RAD51B: variants seen among roughly 807,000 people sequenced by gnomAD.
The protein encoded by RAD51B is DNA repair protein RAD51 homolog 2.
In RAD51B, 38 loss-of-function variants were observed where a neutral mutation model predicts 42.2. The ratio of observed to expected loss-of-function variants is 0.90; its 90% confidence interval spans 0.70 to 1.18. RAD51B has a LOEUF of 1.18. Among genes scored for constraint, RAD51B ranks in the 50% most tolerant of loss-of-function variants. RAD51B has a pLI of 0.00. For missense variants in RAD51B, 373 were observed against 400.7 expected (o/e 0.93, Z 0.59); for synonymous variants, 154 against 145.2 (o/e 1.06, Z -0.43).
intron 8 of RAD51B, among the ~76,000 whole-genome samples, chr14:68,345,995 TG>T (rs2082669829): frequency 6.6e-6 from 1 of 152,232 alleles, no homozygotes; most frequent in Non-Finnish European, 1.5e-5. Context: ...CTAACACAAA[TG>T]GGTTCAGAAT....
intron 7 of RAD51B, among the ~76,000 whole-genome samples, chr14:68,288,431 G>A (rs1191893042): frequency 6.6e-6 from 1 of 152,194 alleles, no homozygotes; most frequent in East Asian, 1.9e-4. Context: ...TAAGTTAGGA[G>A]CTTGTTCTTT....
At chr14:68,568,328 AG>A (rs1468696843) in intron 10 of RAD51B, among the ~76,000 whole-genome samples, 5 of 152,326 alleles carry the variant, frequency 3.3e-5, no homozygotes, top group African/African-American at 1.2e-4. Context: ...TCCAGCAAAA[AG>A]GGACATCATT....
chr14:68,274,702 C>T (rs1448808630), intron 7 of RAD51B, among the ~76,000 whole-genome samples: 3 of 152,040 alleles, frequency 2.0e-5, no homozygotes, highest in Non-Finnish European at 4.4e-5. Flanking sequence ...TAATTACTTC[C>T]TTACTCTCCT....
Position 68,300,501 on chromosome 14 carries a change from C to T in RAD51B, c.853+8521C>T, listed in dbSNP as rs548179493. Among the ~76,000 whole-genome samples the T allele has an allele frequency of 1.9e-4, 29 of 152,322 alleles. No individual in the cohort carries two copies. The East Asian group carries it at 1.9e-3, about 10-fold the overall frequency. On this transcript the variant is annotated intron_variant, in intron 8 of 10. Coordinates refer to ENST00000471583, the MANE Select transcript of RAD51B (RefSeq NM_133510.4). ...CTGGGATTACAGGTGTAAGCCACCA[C>T]GCCCAGCGCTCTCCTTTCAAATAAA...
intron 11 of RAD51B, among the ~76,000 whole-genome samples, chr14:68,681,022 A>G (rs1230556678): frequency 6.6e-6 from 1 of 152,158 alleles, no homozygotes; most frequent in African/African-American, 2.4e-5. Flanking sequence ...ATTCTGGGAT[A>G]TTCAAGCTAA....
At chr14:68,003,133 C>T (rs2075518339) in intron 7 of RAD51B, among the ~76,000 whole-genome samples, 1 of 152,166 alleles carries the variant, frequency 6.6e-6, no homozygotes, top group Non-Finnish European at 1.5e-5. Context: ...TGGTCATTTA[C>T]ATGATATTGA....
In RAD51B at chr14:68,574,873, T is replaced by G. The variant is rs373545040; in HGVS notation, c.1037-19612T>G. ...GCCAATTTAGCAAGGATTTTTGGTC[T>G]CCAGTAGCTATGAAGTGTGGGGGGG... On this transcript the variant is annotated intron_variant, in intron 10 of 10. Transcript: ENST00000487270. 2.3e-4 allele frequency among the ~76,000 whole-genome samples: 35 copies of G among 152,290 alleles called. 2 individuals are homozygous for G. The South Asian group carries it at 5.0e-3, about 22-fold the overall frequency.
intron 4 of RAD51B, among the ~76,000 whole-genome samples, chr14:67,837,124 A>G (rs1299754312): frequency 6.6e-6 from 1 of 152,014 alleles, no homozygotes; most frequent in Admixed American, 6.6e-5. Context: ...AAATGCGTGA[A>G]TTAGTTATTA....
At chr14:68,412,113 A>G (rs2084436762) in intron 9 of RAD51B, among the ~76,000 whole-genome samples, 1 of 152,194 alleles carries the variant, frequency 6.6e-6, no homozygotes, top group African/African-American at 2.4e-5. Context: ...TTACATCCAG[A>G]AAGTTTACTT....
At chr14:68,661,542 T>C (rs939530666) in intron 11 of RAD51B, among the ~76,000 whole-genome samples, 1 of 152,148 alleles carries the variant, frequency 6.6e-6, no homozygotes, top group Admixed American at 6.5e-5. Context: ...TCTCCATAGA[T>C]TCCCAAAGGT....
chr14:68,067,429 A>C (rs2076668669), intron 7 of RAD51B, among the ~76,000 whole-genome samples: 1 of 149,274 alleles, frequency 6.7e-6, no homozygotes, highest in Admixed American at 6.8e-5. Flanking sequence ...GTGCCACTGC[A>C]CTCCAACCTG....
chr14:68,473,928 C>T (rs1045097724), intron 10 of RAD51B, among the ~76,000 whole-genome samples: 3 of 152,184 alleles, frequency 2.0e-5, no homozygotes, highest in Admixed American at 6.5e-5. Context: ...CTGAAATTTG[C>T]ATAAATGATT....
intron 10 of RAD51B, among the ~76,000 whole-genome samples, chr14:68,487,426 C>T (rs928079701): frequency 2.0e-5 from 3 of 151,956 alleles, no homozygotes; most frequent in Non-Finnish European, 4.4e-5. Context: ...AGGCTAGGAC[C>T]TCATATTTAT....
downstream of RAD51B, among the ~76,000 whole-genome samples, chr14:68,599,129 A>G (rs1426785589): frequency 6.6e-6 from 1 of 152,184 alleles, no homozygotes; most frequent in Non-Finnish European, 1.5e-5. Flanking sequence ...ACCGTCGGAC[A>G]TCGGCCAGTA....
At chr14:68,494,678 A>G (rs906801253) in intron 10 of RAD51B, among the ~76,000 whole-genome samples, 1 of 152,134 alleles carries the variant, frequency 6.6e-6, no homozygotes, top group African/African-American at 2.4e-5. Context: ...AATTCCTGCC[A>G]TATAAAAATG....
intron 7 of RAD51B, among the ~76,000 whole-genome samples, chr14:68,156,455 T>TCTCTCTC (rs2078508050): frequency 1.7e-5 from 2 of 114,344 alleles, no homozygotes; most frequent in South Asian, 3.3e-4. Flanking sequence ...CTTAGAAAAT[T>TCTCTCTC]TCTCTCTCTC....
chr14:68,676,266 G>C (rs1227488105), intron 11 of RAD51B, among the ~76,000 whole-genome samples: 1 of 152,122 alleles, frequency 6.6e-6, no homozygotes, highest in Non-Finnish European at 1.5e-5. Flanking sequence ...AAAGTGCCTT[G>C]CCCTGGGTCA....
chr14:68,550,037 G>C (rs1261586234), intron 10 of RAD51B, among the ~76,000 whole-genome samples: 1 of 152,182 alleles, frequency 6.6e-6, no homozygotes, highest in African/African-American at 2.4e-5. Flanking sequence ...GAACTAGCAG[G>C]ACTCCTCTGA....
Position 68,212,500 on chromosome 14 carries a change from C to T in RAD51B, c.757-79384C>T, listed in dbSNP as rs188094243. Among the ~76,000 whole-genome samples, 46 of 152,294 alleles carry T rather than the reference C, an allele frequency of 3.0e-4. 1 individual carries two copies. The highest frequency in any genetic ancestry group is 1.1e-3 in the African/African-American group (45 of 41,566). ...TTTGGGTGGTCAGCAGTTTGCTGAA[C>T]AATTTGGACTGGTTTAGAACCCTCC... On this transcript the variant is annotated intron_variant, in intron 7 of 10. Coordinates refer to ENST00000471583, the MANE Select transcript of RAD51B (RefSeq NM_133510.4).
Sources: allele counts gnomAD v4.1 joint callset (sites outside exome capture counted in the v4.1 genomes callset), GRCh38; gene constraint gnomAD v4.1.1; transcripts MANE v1.5; gene names NCBI Gene and HGNC (gene_info 2026-07-23, HGNC 2026-07-21).